Variants in SEMA6D observed in about 807,000 individuals in gnomAD.
SEMA6D encodes semaphorin-6D.
A neutral mutation model predicts 106.6 loss-of-function variants in SEMA6D; 35 were observed. That is an observed-to-expected ratio of 0.33 (90% CI 0.25 to 0.44). SEMA6D has a LOEUF of 0.44. Among genes scored for constraint, SEMA6D ranks in the 20% least tolerant of loss-of-function variants. The pLI, the probability that SEMA6D is intolerant of heterozygous loss-of-function variation, is 1.00. For synonymous variants in SEMA6D, 499 were observed against 487.7 expected (o/e 1.02, Z -0.31); for missense variants, 1,185 against 1,345.9 (o/e 0.88, Z 1.87).
chr15:47,655,459 C>T (rs2145063501), intron 4 of SEMA6D, among the ~76,000 whole-genome samples: 1 of 152,328 alleles, frequency 6.6e-6, no homozygotes, highest in East Asian at 1.9e-4. Flanking sequence ...TGTATATGTG[C>T]ATTCTTGCTA....
chr15:47,739,414 TG>T (rs1222042909), intron 1 of SEMA6D, among the ~76,000 whole-genome samples: 1 of 152,196 alleles, frequency 6.6e-6, no homozygotes, highest in African/African-American at 2.4e-5. Flanking sequence ...TTTTGCACTG[TG>T]GGGAATCTGC....
chr15:47,633,856 A>G (rs891349522), intron 4 of SEMA6D, among the ~76,000 whole-genome samples: 1 of 152,118 alleles, frequency 6.6e-6, no homozygotes, highest in Non-Finnish European at 1.5e-5. Flanking sequence ...GGTAAACTCT[A>G]TTGAGTTGTC....
chr15:47,296,365 A>G (rs1214990381), intron 1 of SEMA6D, among the ~76,000 whole-genome samples: 1 of 152,182 alleles, frequency 6.6e-6, no homozygotes, highest in African/African-American at 2.4e-5. Context: ...CCCCTTTGCA[A>G]TAGATATTTG....
intron 1 of SEMA6D, among the ~76,000 whole-genome samples, chr15:47,384,830 T>TTTG (rs1567042675): frequency 6.9e-6 from 1 of 144,996 alleles, no homozygotes; most frequent in East Asian, 2.0e-4. Flanking sequence ...TTTTTTTTTT[T>TTTG]TTTTTTTTTT....
chr15:47,526,617 T>C (rs2044764607), intron 3 of SEMA6D, among the ~76,000 whole-genome samples: 2 of 152,232 alleles, frequency 1.3e-5, no homozygotes, highest in African/African-American at 2.4e-5. Context: ...ACCATCATTA[T>C]GGGGGTGGGC....
intron 2 of SEMA6D, among the ~76,000 whole-genome samples, chr15:47,459,432 A>G (rs566605281): frequency 6.6e-6 from 1 of 152,220 alleles, no homozygotes; most frequent in Non-Finnish European, 1.5e-5. Flanking sequence ...CATGTGACAT[A>G]TTTTGTAGAC....
At chr15:47,660,361 A>G (rs2077892838) in intron 4 of SEMA6D, among the ~76,000 whole-genome samples, 1 of 152,314 alleles carries the variant, frequency 6.6e-6, no homozygotes, top group East Asian at 1.9e-4. Context: ...CCTCGACACA[A>G]TGTGATAACT....
At chr15:47,441,317 GAAGT>G (rs2140779259) in intron 2 of SEMA6D, among the ~76,000 whole-genome samples, 1 of 152,144 alleles carries the variant, frequency 6.6e-6, no homozygotes, top group East Asian at 1.9e-4. Context: ...GTTAAACAGA[GAAGT>G]AAATAATGCT....
chr15:47,199,160 A>C (rs1894550613), intron 1 of SEMA6D, among the ~76,000 whole-genome samples: 1 of 152,196 alleles, frequency 6.6e-6, no homozygotes, highest in African/African-American at 2.4e-5. Context: ...GTCTTTCCAC[A>C]AAATATTTCA....
At chr15:47,484,115 A>C (rs2043227262) in intron 3 of SEMA6D, among the ~76,000 whole-genome samples, 1 of 152,138 alleles carries the variant, frequency 6.6e-6, no homozygotes, top group Non-Finnish European at 1.5e-5. Flanking sequence ...CCCACACAGG[A>C]GGGCTCCCTT....
chr15:47,295,495 G>C (rs1004418125), intron 1 of SEMA6D, among the ~76,000 whole-genome samples: 2 of 152,120 alleles, frequency 1.3e-5, no homozygotes, highest in Non-Finnish European at 2.9e-5. Context: ...ACTTCTGAAA[G>C]AACTGTGAGT....
intron 2 of SEMA6D, chr15:47,412,578 G>A (rs1020355687): frequency 6.6e-6 from 1 of 152,200 alleles, no homozygotes; most frequent in South Asian, 2.1e-4. Context: ...TTTTTGATCA[G>A]TAAAGATCTC....
chr15:47,436,947 TAAA>T (rs1007899397), intron 2 of SEMA6D, among the ~76,000 whole-genome samples: 3 of 84,412 alleles, frequency 3.6e-5, no homozygotes, highest in Non-Finnish European at 7.2e-5. Context: ...AAAAAAAAAA[TAAA>T]AGAAGAAAGG....
intron 1 of SEMA6D, among the ~76,000 whole-genome samples, chr15:47,278,788 G>A (rs930630161): frequency 3.4e-5 from 5 of 148,632 alleles, no homozygotes; most frequent in African/African-American, 1.2e-4. Flanking sequence ...ATTGATTTTT[G>A]TATAAGGTGT....
chr15:47,207,691 C>T (rs1895165507), intron 1 of SEMA6D, among the ~76,000 whole-genome samples: 1 of 152,044 alleles, frequency 6.6e-6, no homozygotes, highest in African/African-American at 2.4e-5. Context: ...CTTCTGGCTC[C>T]TTGCACCTAG....
chr15:47,388,571 T>C (rs2039921938), intron 1 of SEMA6D, among the ~76,000 whole-genome samples: 4 of 152,010 alleles, frequency 2.6e-5, no homozygotes. Flanking sequence ...GGCCATCAGA[T>C]CAAAAAAACG....
chr15:47,510,222 T>C (rs2044181440), intron 3 of SEMA6D, among the ~76,000 whole-genome samples: 1 of 152,148 alleles, frequency 6.6e-6, no homozygotes, highest in African/African-American at 2.4e-5. Context: ...TAGATTCTCA[T>C]AGGAGCAAGA....
In SEMA6D at chr15:47,367,394, T is replaced by C. The variant is rs57531388; in HGVS notation, c.-238-44999T>C. ...GGTCATTTAGAGACCTACTTGGTAC[T>C]GGCAACACTGAAATCAGAAGATAAT... On this transcript the variant is annotated intron_variant, in intron 1 of 19. Coordinates refer to the SEMA6D transcript ENST00000558014. Among the ~76,000 whole-genome samples, 43 of 152,342 alleles carry C rather than the reference T, an allele frequency of 2.8e-4. No individual in the cohort carries two copies. The East Asian group carries it at 8.3e-3, about 29-fold the overall frequency.
At chr15:47,207,993 G>GCACACACA (rs57079521) in intron 1 of SEMA6D, among the ~76,000 whole-genome samples, 2,486 of 89,210 alleles carry the variant, frequency 0.028, 72 homozygotes, top group Middle Eastern at 0.042. Flanking sequence ...TGGCGCGCGC[G>GCACACACA]CACACACACA....
Sources: gnomAD v4.1 joint callset for allele counts (sites outside exome capture counted in the v4.1 genomes callset) on GRCh38, gnomAD v4.1.1 for gene constraint, MANE v1.5 for transcripts, NCBI Gene and HGNC (gene_info 2026-07-23, HGNC 2026-07-21) for gene names.